Variants in SPATA13 observed in about 807,000 individuals in gnomAD.
SPATA13 encodes spermatogenesis associated 13, also known as spermatogenesis-associated protein 13.
Under a neutral mutation model 104.0 loss-of-function variants are expected in SPATA13, and 50 were observed. The ratio of observed to expected loss-of-function variants is 0.48; its 90% CI spans 0.38 to 0.61. The LOEUF is 0.61. Ranked by LOEUF, SPATA13 falls within the 20% of genes least tolerant of loss-of-function variation. The pLI is 0.00. For synonymous variants in SPATA13, 606 were observed against 667.5 expected (o/e 0.91, Z 1.42); for missense variants, 1,524 against 1,690.6 (o/e 0.90, Z 1.73).
chr13:24,049,840 G>A (rs540103550), intron 3 of SPATA13, among the ~76,000 whole-genome samples: 3 of 152,120 alleles, frequency 2.0e-5, no homozygotes, highest in Non-Finnish European at 2.9e-5. Flanking sequence ...GAGGGAAATC[G>A]GATTCTTTCC....
intron 3 of SPATA13, among the ~76,000 whole-genome samples, chr13:24,020,607 A>G (rs1593281085): frequency 1.3e-5 from 2 of 152,312 alleles, no homozygotes; most frequent in African/African-American, 2.4e-5. Flanking sequence ...TTTAACTTAC[A>G]TTGTAATAAG....
At chr13:24,237,362 T>C in intron 2 of SPATA13, among the ~76,000 whole-genome samples, 1 of 151,710 alleles carries the variant, frequency 6.6e-6, no homozygotes, top group South Asian at 2.1e-4. Context: ...GATTCCATCT[T>C]AAAACAAAAC....
intron 2 of SPATA13, among the ~76,000 whole-genome samples, chr13:23,996,168 G>A (rs978834262): frequency 3.3e-5 from 5 of 152,144 alleles, no homozygotes; most frequent in Admixed American, 2.0e-4. Flanking sequence ...TATTTCAGGG[G>A]TCAGGAGTCC....
chr13:24,072,490 G>A lies in SPATA13; in HGVS notation c.-112+54789G>A, dbSNP rs188072607. On this transcript the variant is annotated intron_variant, in intron 3 of 14. Coordinates refer to the SPATA13 transcript ENST00000424834. ...ACATGGGCCATCCTGTTCTATCAGG[G>A]CTTCTGATGCACCTACTTCACTTTA... 2.9e-3 allele frequency among the ~76,000 whole-genome samples: 436 copies of A among 152,250 alleles called. 2 individuals are homozygous for A. Among genetic ancestry groups the A allele is most frequent in the African/African-American group, 0.01 (418 of 41,558 alleles).
At chr13:24,287,429 C>T (rs1876034826) in intron 7 of SPATA13, among the ~76,000 whole-genome samples, 1 of 152,220 alleles carries the variant, frequency 6.6e-6, no homozygotes, top group Admixed American at 6.5e-5. Flanking sequence ...TCTCAAAGTG[C>T]TGGGATTAGA....
intron 12 of SPATA13, 37 bp from the exon 13 acceptor site, chr13:24,302,561 T>C: frequency 7.2e-7 from 1 of 1,381,348 alleles, no homozygotes; most frequent in Non-Finnish European, 9.6e-7. Context: ...CAAGCGACCC[T>C]CAGTCCCTGT....
intron 4 of SPATA13, among the ~76,000 whole-genome samples, chr13:24,253,892 G>A (rs1873643599): frequency 6.6e-6 from 1 of 152,206 alleles, no homozygotes; most frequent in Admixed American, 6.5e-5. Context: ...GATGTTGCAG[G>A]CTGGGAGGTG....
chr13:24,206,636 A>G (rs1466849170), intron 1 of SPATA13, among the ~76,000 whole-genome samples: 2 of 152,196 alleles, frequency 1.3e-5, no homozygotes, highest in Non-Finnish European at 2.9e-5. Flanking sequence ...TCATGCCTGT[A>G]ATCCTAGCAC....
chr13:24,136,967 C>T (rs1453608834), intron 3 of SPATA13, among the ~76,000 whole-genome samples: 1 of 100,998 alleles, frequency 9.9e-6, no homozygotes, highest in African/African-American at 3.4e-5. Flanking sequence ...GTAGCTGGGA[C>T]TACAGGCGCC....
At chr13:24,007,746 G>A (rs1331197230) in intron 2 of SPATA13, among the ~76,000 whole-genome samples, 1 of 152,218 alleles carries the variant, frequency 6.6e-6, no homozygotes, top group Non-Finnish European at 1.5e-5. Flanking sequence ...GGGATCACAG[G>A]TGTGAGCCAC....
At chr13:23,986,728 G>A (rs1875163194) in intron 2 of SPATA13, among the ~76,000 whole-genome samples, 1 of 152,142 alleles carries the variant, frequency 6.6e-6, no homozygotes, top group Non-Finnish European at 1.5e-5. Context: ...TGGCTATGAT[G>A]TCTTAGCTGT....
chr13:24,251,766 G>T lies in SPATA13; in HGVS notation c.2068G>T (p.Ala690Ser), dbSNP rs1232750956. ...TGCTCACCAGGTGCCACCCTACAAG[G>T]CTGTGTCGGCCCGGTTCCGGCCCTT... ...MPAHQVPPYKAVSARFRPFTF... is the reference protein window; with the variant it reads ...MPAHQVPPYKSVSARFRPFTF... The change falls in exon 4 of 13, where the codon GCT becomes TCT. Residue 690 changes from alanine (A) to serine (S), a missense_variant. Physicochemically the swap from Ala to Ser is moderately conservative, Grantham distance 99. Transcript: ENST00000382108. 6.2e-7 allele frequency: 1 copy of T among 1,614,172 alleles called. No homozygotes were observed. The highest frequency in any genetic ancestry group is 2.2e-5 in the East Asian group (1 of 44,870).
chr13:24,166,903 A>C (rs1050288239), intron 1 of SPATA13, among the ~76,000 whole-genome samples: 5 of 152,180 alleles, frequency 3.3e-5, no homozygotes, highest in South Asian at 2.1e-4. Flanking sequence ...TCACATCATC[A>C]CCTTGGGGTT....
rs544350610 is a variant in SPATA13, at chr13:24,277,075, G to A, written c.2165-7060G>A. 1.6e-3 allele frequency among the ~76,000 whole-genome samples: 237 copies of A among 152,278 alleles called. 1 individual carries two copies. Among genetic ancestry groups the A allele is most frequent in the African/African-American group, 5.2e-3 (217 of 41,556 alleles). ...AGTCAGATTACAGAGAAGATATACC[G>A]TAAAAGAATTTTGTTATGAAGCAAT... On this transcript the variant is annotated intron_variant, in intron 4 of 12. Transcript: ENST00000382108.
At chr13:24,123,548 C>A in intron 3 of SPATA13, 2 of 1,611,624 alleles carry the variant, frequency 1.2e-6, no homozygotes, top group Non-Finnish European at 1.7e-6. Context: ...CTGTAAGAAT[C>A]TGGTAACAAA....
intron 12 of SPATA13, 83 bp downstream of exon 12, chr13:24,300,558 G>T (rs1269481622): frequency 7.8e-7 from 1 of 1,288,832 alleles, no homozygotes; most frequent in Non-Finnish European, 1.1e-6. Flanking sequence ...TTGTCAGCCT[G>T]TGACCAGCTT....
At chr13:23,984,599 G>A (rs1324394690) in intron 2 of SPATA13, among the ~76,000 whole-genome samples, 2 of 152,160 alleles carry the variant, frequency 1.3e-5, no homozygotes, top group African/African-American at 4.8e-5. Context: ...TTAAGTGTGA[G>A]GCCCCGGATG....
chr13:23,984,397 A>G (rs1875051196), intron 2 of SPATA13, among the ~76,000 whole-genome samples: 1 of 152,146 alleles, frequency 6.6e-6, no homozygotes, highest in Non-Finnish European at 1.5e-5. Context: ...TATTTTATCC[A>G]TCATTTGCTG....
chr13:24,028,468 G>A (rs1877333922), intron 3 of SPATA13, among the ~76,000 whole-genome samples: 1 of 152,154 alleles, frequency 6.6e-6, no homozygotes, highest in Admixed American at 6.5e-5. Context: ...TCCCTTGGTT[G>A]CAGTTGTGAT....
Sources: allele counts gnomAD v4.1 joint callset (sites outside exome capture counted in the v4.1 genomes callset), GRCh38; gene constraint gnomAD v4.1.1; transcripts MANE v1.5; gene names NCBI Gene and HGNC (gene_info 2026-07-23, HGNC 2026-07-21).